TRIT1: variants seen among roughly 807,000 people sequenced by gnomAD.
TRIT1 encodes tRNA dimethylallyltransferase.
A neutral mutation model predicts 51.2 loss-of-function variants in TRIT1; 43 were observed. That is an observed-to-expected ratio of 0.84 (90% confidence interval 0.66 to 1.08). The LOEUF (loss-of-function observed/expected upper bound fraction) is 1.08. TRIT1 is among the 50% of genes least tolerant of loss of function. TRIT1 has a pLI of 0.00. For missense variants in TRIT1, 528 were observed against 578.4 expected, an observed-to-expected ratio of 0.91 and a Z score of 0.89; for synonymous variants, 184 against 203.9, an observed-to-expected ratio of 0.90 and a Z score of 0.83.
intron 1 of TRIT1, among the ~76,000 whole-genome samples, chr1:39,868,606 T>C (rs1443048898): frequency 6.2e-5 from 9 of 144,536 alleles, no homozygotes; most frequent in African/African-American, 2.4e-4. Flanking sequence ...ATCGCGCCAT[T>C]GCACTCCAGC....
intron 8 of TRIT1, among the ~76,000 whole-genome samples, 177 bp from the exon 9 acceptor site, chr1:39,844,817 G>T (rs1272075892): frequency 6.6e-6 from 1 of 152,230 alleles, no homozygotes; most frequent in East Asian, 1.9e-4. Flanking sequence ...AGGTTTAACT[G>T]CTCTGCAGCT....
At chr1:39,869,384 C>T (rs183273703) in intron 1 of TRIT1, among the ~76,000 whole-genome samples, 40 of 152,354 alleles carry the variant, frequency 2.6e-4, no homozygotes, top group East Asian at 7.7e-4. Context: ...GGATTGCAGA[C>T]GGAGTCTTGC....
intron 1 of TRIT1, chr1:39,881,767 A>G (rs1644273517): frequency 6.6e-6 from 1 of 152,168 alleles, no homozygotes; most frequent in South Asian, 2.1e-4. Flanking sequence ...AGAGCTTTCC[A>G]TACTAAGCCA....
At chr1:39,866,144 T>G (rs752657286) in intron 1 of TRIT1, among the ~76,000 whole-genome samples, 1 of 151,824 alleles carries the variant, frequency 6.6e-6, no homozygotes, top group Admixed American at 6.6e-5. Flanking sequence ...CAAGTTTTTC[T>G]TCTGGAACCT....
intron 1 of TRIT1, among the ~76,000 whole-genome samples, chr1:39,867,546 T>G (rs1643622193): frequency 6.6e-6 from 1 of 152,218 alleles, no homozygotes; most frequent in Non-Finnish European, 1.5e-5. Flanking sequence ...TTGAAACATT[T>G]TTACATCTAA....
chr1:39,883,442 CTG>C lies in TRIT1; in HGVS notation c.48_49del (p.Arg17GlyfsTer33). 6.2e-7 allele frequency: 1 copy of C among 1,610,978 alleles called. No homozygotes were observed. The highest frequency in any genetic ancestry group is 8.5e-7 in the Non-Finnish European group (1 of 1,177,572). ...AAGAGGTAGGGTCCGTTGCAGGCCC[CTG>C]AGCCCACTGCCCACGGGAACTGCTC... On this transcript the variant is annotated frameshift_variant, in exon 1 of 11. Coordinates refer to ENST00000316891, the MANE Select transcript of TRIT1 (RefSeq NM_017646.6). LOFTEE classifies it high-confidence loss of function.
chr1:39,852,646 T>A, intron 4 of TRIT1, 85 bp downstream of exon 4: 2 of 1,510,314 alleles, frequency 1.3e-6, no homozygotes, highest in South Asian at 2.6e-5. Context: ...TATTACCAAA[T>A]CTCTCTCATC....
intron 1 of TRIT1, among the ~76,000 whole-genome samples, chr1:39,876,615 A>G (rs1156571022): frequency 6.6e-6 from 1 of 151,876 alleles, no homozygotes; most frequent in Non-Finnish European, 1.5e-5. Context: ...AGCCTCTTGT[A>G]AGTCTCAGTC....
chr1:39,871,216 C>T (rs1643873675), intron 1 of TRIT1, among the ~76,000 whole-genome samples: 1 of 150,844 alleles, frequency 6.6e-6, no homozygotes, highest in Non-Finnish European at 1.5e-5. Context: ...GGTGACTAGA[C>T]AAACTATGGT....
intron 1 of TRIT1, among the ~76,000 whole-genome samples, chr1:39,879,859 C>T (rs1445285052): frequency 1.8e-4 from 19 of 106,328 alleles, no homozygotes; most frequent in African/African-American, 6.7e-4. Context: ...GCCACAATAG[C>T]GAAACTCCAT....
intron 4 of TRIT1, among the ~76,000 whole-genome samples, chr1:39,851,125 T>C (rs1256132663): frequency 6.6e-6 from 1 of 152,136 alleles, no homozygotes; most frequent in East Asian, 1.9e-4. Context: ...GTAGACCCCC[T>C]TGTCTTTCAG....
chr1:39,875,170 CCA>C (rs1158935134), intron 1 of TRIT1, among the ~76,000 whole-genome samples: 1 of 152,070 alleles, frequency 6.6e-6, no homozygotes, highest in African/African-American at 2.4e-5. Flanking sequence ...CTTCTCTAAC[CCA>C]CTCTCCACCC....
intron 1 of TRIT1, among the ~76,000 whole-genome samples, chr1:39,876,360 T>C (rs1368920181): frequency 6.6e-6 from 1 of 152,130 alleles, no homozygotes; most frequent in East Asian, 1.9e-4. Flanking sequence ...CAGTAGTCAC[T>C]TCTCCTTCCT....
intron 8 of TRIT1, among the ~76,000 whole-genome samples, chr1:39,845,620 A>G (rs1368617197): frequency 6.6e-6 from 1 of 152,240 alleles, no homozygotes. Flanking sequence ...GGCCTTGGCT[A>G]AGCTCTGCAC....
intron 4 of TRIT1, among the ~76,000 whole-genome samples, chr1:39,851,266 A>G (rs1642551429): frequency 7.2e-5 from 11 of 152,216 alleles, no homozygotes; most frequent in Admixed American, 7.2e-4. Context: ...TCTCTAAATG[A>G]GACTCTAGAG....
chr1:39,871,125 G>A (rs1256327459), intron 1 of TRIT1, among the ~76,000 whole-genome samples: 34 of 152,128 alleles, frequency 2.2e-4, no homozygotes, highest in Admixed American at 2.2e-3. Flanking sequence ...CCCGGGAGGC[G>A]GAGGTTGCAG....
intron 1 of TRIT1, among the ~76,000 whole-genome samples, chr1:39,859,283 A>AAAC (rs1643094485): frequency 7.2e-6 from 1 of 139,846 alleles, no homozygotes; most frequent in African/African-American, 2.7e-5. Context: ...AAAAAAAAAA[A>AAAC]AAAAAAAAAA....
At chr1:39,870,070 G>T (rs576852176) in intron 1 of TRIT1, among the ~76,000 whole-genome samples, 6 of 152,232 alleles carry the variant, frequency 3.9e-5, no homozygotes, top group African/African-American at 9.7e-5. Flanking sequence ...CAAGTGGAAG[G>T]GGGGAAAGTG....
In TRIT1 at chr1:39,847,259, G is replaced by A. The variant is rs370866302; in HGVS notation, c.967C>T (p.Arg323Trp). The A allele has an allele frequency of 1.1e-5, 18 of 1,613,908 alleles. No individual in the cohort carries two copies. The highest frequency in any genetic ancestry group is 2.7e-5 in the African/African-American group (2 of 74,838). Residue 323 changes from arginine (R) to tryptophan (W), a missense_variant, in exon 8 of 11, where the codon CGG (arginine) becomes TGG (tryptophan). Coordinates refer to ENST00000316891, the MANE Select transcript of TRIT1 (RefSeq NM_017646.6). ...ALKQVTKRYA[R>W]KQNRWVKNRF... Reference sequence around the variant, plus strand: ...TTTTTAACCCATCGGTTTTGTTTCCGGGCATATCTCTTAGTTACTTGTTTC... The same window carrying A: ...TTTTTAACCCATCGGTTTTGTTTCCAGGCATATCTCTTAGTTACTTGTTTC...
Sources: allele counts gnomAD v4.1 joint callset (sites outside exome capture counted in the v4.1 genomes callset), GRCh38; gene constraint gnomAD v4.1.1; transcripts MANE v1.5; gene names NCBI Gene and HGNC (gene_info 2026-07-23, HGNC 2026-07-21).